IMPG2: variants seen among roughly 807,000 people sequenced by gnomAD.
IMPG2 encodes the protein IPM 200.
In IMPG2, 91 loss-of-function variants were observed where a neutral mutation model predicts 129.2. That is an observed-to-expected ratio of 0.70 (90% CI 0.59 to 0.84). The LOEUF (loss-of-function observed/expected upper bound fraction) is 0.84, where lower values mean the gene tolerates loss of function less well. IMPG2 is among the 40% of genes least tolerant of loss of function. IMPG2 has a pLI of 0.00. For synonymous variants in IMPG2, 510 were observed against 517.7 expected (o/e 0.99, Z 0.20); for missense variants, 1,430 against 1,461.7 (o/e 0.98, Z 0.35).
At chr3:101,240,981 C>T (rs981770484) in intron 14 of IMPG2, among the ~76,000 whole-genome samples, 1 of 152,220 alleles carries the variant, frequency 6.6e-6, no homozygotes, top group African/African-American at 2.4e-5. Flanking sequence ...TACATTTCAA[C>T]AGTGTTCTCT....
At chr3:101,318,833 G>A (rs2058797163) in intron 2 of IMPG2, among the ~76,000 whole-genome samples, 1 of 152,018 alleles carries the variant, frequency 6.6e-6, no homozygotes, top group Non-Finnish European at 1.5e-5. Flanking sequence ...GGTCAATTAA[G>A]CAATTTAGTA....
chr3:101,308,627 G>C (rs1304258849), intron 2 of IMPG2, among the ~76,000 whole-genome samples: 5 of 152,222 alleles, frequency 3.3e-5, no homozygotes, highest in Non-Finnish European at 7.3e-5. Context: ...CTCTGGGCCT[G>C]TTATGAGAGG....
At chr3:101,262,579 C>A (rs1373471157) in intron 9 of IMPG2, among the ~76,000 whole-genome samples, 1 of 151,576 alleles carries the variant, frequency 6.6e-6, no homozygotes, top group Admixed American at 6.6e-5. Context: ...GGTACTCATC[C>A]CCACACTACA....
intron 7 of IMPG2, among the ~76,000 whole-genome samples, chr3:101,270,335 TC>T (rs1225884545): frequency 1.3e-5 from 2 of 152,256 alleles, no homozygotes; most frequent in East Asian, 3.9e-4. Flanking sequence ...GGCATCTTTT[TC>T]CTGCTCCTAC....
chr3:101,256,110 GAAAGAA>G (rs1334067823), intron 10 of IMPG2, among the ~76,000 whole-genome samples: 1 of 114,674 alleles, frequency 8.7e-6, no homozygotes, highest in Non-Finnish European at 1.9e-5. Flanking sequence ...AAGAAAGAAA[GAAAGAA>G]AAAGAAAGAG....
rs1463411745 is a variant in IMPG2 at position 101,275,743 on chromosome 3, T to C, written c.586A>G (p.Thr196Ala). 6 of 1,613,224 alleles carry C rather than the reference T, an allele frequency of 3.7e-6. No homozygotes were observed. The highest frequency in any genetic ancestry group is 5.1e-6 in the Non-Finnish European group (6 of 1,179,210). Reference protein sequence around the residue: ...PVGDTSTLGDTTLSVPHPEVD... With the variant: ...PVGDTSTLGDATLSVPHPEVD... ...TCTGGATGTGGAACACTGAGAGTAG[T>C]GTCTAAGAAGAAAAGCAAAAACATA... The change falls in exon 6 of 19, where the codon ACT (threonine) becomes GCT (alanine). Residue 196 changes from threonine (T) to alanine (A), a missense_variant and splice_region_variant. Transcript: ENST00000193391.
rs1451942807 is a variant in IMPG2, at chr3:101,243,806, A to G, written c.2525T>C (p.Leu842Pro). The G allele has an allele frequency of 6.2e-7, 1 of 1,614,058 alleles. No individual in the cohort carries two copies. Among genetic ancestry groups the G allele is most frequent in the Non-Finnish European group, 8.5e-7 (1 of 1,180,024 alleles). ...IMGVQDISLELDRIGTDYYQP... is the reference protein window; with the variant it reads ...IMGVQDISLEPDRIGTDYYQP... ...ATAGTAATCTGTGCCTATCCGGTCC[A>G]GTTCTAACGAAATATCCTGTACACC... Residue 842 changes from leucine (L) to proline (P), a missense_variant, in exon 13 of 19, where the codon CTG (leucine) becomes CCG (proline). Leu to Pro is a moderately conservative substitution (Grantham distance 98). Transcript: ENST00000193391.
intron 2 of IMPG2, among the ~76,000 whole-genome samples, chr3:101,306,042 C>A (rs1191742660): frequency 6.6e-6 from 1 of 152,198 alleles, no homozygotes; most frequent in Non-Finnish European, 1.5e-5. Flanking sequence ...TCTGGACTCC[C>A]ACAGTCAGAA....
At chr3:101,234,720 A>G (rs1706327818) in intron 14 of IMPG2, among the ~76,000 whole-genome samples, 1 of 152,180 alleles carries the variant, frequency 6.6e-6, no homozygotes, top group Non-Finnish European at 1.5e-5. Flanking sequence ...AGGAGTGTCT[A>G]TAGGGGTGAG....
At chr3:101,302,594 G>T (rs890522709) in intron 3 of IMPG2, among the ~76,000 whole-genome samples, 3 of 152,168 alleles carry the variant, frequency 2.0e-5, no homozygotes, top group African/African-American at 7.2e-5. Context: ...ATAATTATAT[G>T]TCCATATCTG....
intron 4 of IMPG2, among the ~76,000 whole-genome samples, chr3:101,287,312 T>C (rs1706958741): frequency 6.6e-6 from 1 of 152,200 alleles, no homozygotes; most frequent in Non-Finnish European, 1.5e-5. Flanking sequence ...ATGACCATAC[T>C]GCCCAAAGCA....
chr3:101,306,077 C>G (rs888065282), intron 2 of IMPG2, among the ~76,000 whole-genome samples: 3 of 152,214 alleles, frequency 2.0e-5, no homozygotes, highest in African/African-American at 7.2e-5. Context: ...CTCTAGCTTT[C>G]CAGTATACTA....
chr3:101,301,330 G>C (rs1384029780), intron 3 of IMPG2, among the ~76,000 whole-genome samples: 1 of 152,192 alleles, frequency 6.6e-6, no homozygotes, highest in East Asian at 1.9e-4. Flanking sequence ...ACATGCTGTT[G>C]GAAGAATGGT....
intron 1 of IMPG2, 118 bp downstream of exon 1, chr3:101,320,170 G>GATT: frequency 1.5e-6 from 1 of 661,838 alleles, no homozygotes; most frequent in Admixed American, 3.4e-5. Context: ...CCATATCAAA[G>GATT]ATTAATAAAG....
At chr3:101,252,835 G>A (rs987280231) in intron 11 of IMPG2, among the ~76,000 whole-genome samples, 7 of 152,046 alleles carry the variant, frequency 4.6e-5, no homozygotes, top group African/African-American at 9.7e-5. Flanking sequence ...CATTAAAGTC[G>A]AGAAACAAGT....
At chr3:101,302,033 A>G (rs530566) in intron 3 of IMPG2, among the ~76,000 whole-genome samples, 110,066 of 152,052 alleles carry the variant, frequency 0.72, 40,824 homozygotes, top group East Asian at 0.84. Flanking sequence ...TGGTATATTG[A>G]CCGAGGTCAT....
In IMPG2 at chr3:101,308,319, A is replaced by G. The variant is rs1303643653; in HGVS notation, c.335-4007T>C. Among the ~76,000 whole-genome samples, 3 of 152,330 alleles carry G rather than the reference A, an allele frequency of 2.0e-5. No individual in the cohort carries two copies. The East Asian group carries it at 5.8e-4, about 29-fold the overall frequency. On this transcript the variant is annotated intron_variant, in intron 2 of 18. Transcript: ENST00000193391. The stretch of plus-strand genomic sequence containing the variant: ...CCACATTTCCCTTCCACACTGCCCT[A>G]GCAGATGTTCCCCATGAGGGCTCCA...
intron 13 of IMPG2, 23 bp from the exon 14 acceptor site, chr3:101,242,930 G>A: frequency 6.3e-7 from 1 of 1,588,538 alleles, no homozygotes; most frequent in Non-Finnish European, 8.6e-7. Context: ...AAAGTGGTAA[G>A]TTTATTGACA....
chr3:101,310,752 T>C (rs2107142316), intron 2 of IMPG2, among the ~76,000 whole-genome samples: 1 of 152,232 alleles, frequency 6.6e-6, no homozygotes, highest in East Asian at 1.9e-4. Context: ...CGAAGAAATG[T>C]AGTTGGAAGG....
Sources: allele counts gnomAD v4.1 joint callset (sites outside exome capture counted in the v4.1 genomes callset), GRCh38; gene constraint gnomAD v4.1.1; transcripts MANE v1.5; gene names NCBI Gene and HGNC (gene_info 2026-07-23, HGNC 2026-07-21).